The following SMYD3 variants were observed in gnomAD, a reference collection of about 807,000 sequenced individuals.
The protein encoded by SMYD3 is SET and MYND domain containing 3.
SMYD3 carries 36 observed loss-of-function variants against 57.7 expected under a neutral mutation model. That is an observed-to-expected ratio of 0.62 (90% CI 0.48 to 0.82). SMYD3 has a LOEUF of 0.82. Ranked by LOEUF, SMYD3 falls within the 40% of genes least tolerant of loss-of-function variation. The probability of loss-of-function intolerance (pLI) is 0.00; values close to 1 mark genes in which losing one functional copy is unlikely to be tolerated. For missense variants in SMYD3, 515 were observed against 538.8 expected (o/e 0.96, Z 0.44); for synonymous variants, 211 against 195.0 (o/e 1.08, Z -0.68).
At chr1:245,943,608 G>C (rs1385711595) in intron 5 of SMYD3, among the ~76,000 whole-genome samples, 1 of 152,140 alleles carries the variant, frequency 6.6e-6, no homozygotes, top group Non-Finnish European at 1.5e-5. Flanking sequence ...TTGAAAAAGA[G>C]GGACTCCTCG....
At chr1:246,427,147 T>A (rs1475660407) in intron 1 of SMYD3, among the ~76,000 whole-genome samples, 3 of 152,188 alleles carry the variant, frequency 2.0e-5, no homozygotes, top group Non-Finnish European at 4.4e-5. Flanking sequence ...AATGTCATAT[T>A]GGAACACACT....
chr1:245,794,481 A>C (rs960060825), intron 10 of SMYD3, among the ~76,000 whole-genome samples: 1 of 152,216 alleles, frequency 6.6e-6, no homozygotes, highest in East Asian at 1.9e-4. Flanking sequence ...CGATGTTCTG[A>C]AGATTCACTA....
At chr1:245,993,907 T>C (rs2058868269) in intron 5 of SMYD3, among the ~76,000 whole-genome samples, 1 of 152,254 alleles carries the variant, frequency 6.6e-6, no homozygotes, top group Admixed American at 6.5e-5. Flanking sequence ...TTATGTTATG[T>C]ATATCTTACC....
At chr1:245,918,852 G>A (rs2055646425) in intron 7 of SMYD3, among the ~76,000 whole-genome samples, 1 of 152,158 alleles carries the variant, frequency 6.6e-6, no homozygotes, top group South Asian at 2.1e-4. Context: ...ATCAGAGCAG[G>A]TAAATGGACA....
chr1:246,429,139 A>G, intron 1 of SMYD3, among the ~76,000 whole-genome samples: 1 of 151,304 alleles, frequency 6.6e-6, no homozygotes. Context: ...AACCCACCAC[A>G]GGTACAGTAA....
chr1:246,430,976 A>G (rs1392789844), intron 1 of SMYD3, among the ~76,000 whole-genome samples: 8 of 152,226 alleles, frequency 5.3e-5, no homozygotes, highest in Admixed American at 5.2e-4. Context: ...GCAAGATAGA[A>G]TAAGAACTGA....
At chr1:246,352,521 G>A (rs1050146898) in intron 2 of SMYD3, among the ~76,000 whole-genome samples, 2 of 152,130 alleles carry the variant, frequency 1.3e-5, no homozygotes, top group Non-Finnish European at 2.9e-5. Context: ...CAGTTTAAAC[G>A]CATATGTTCT....
intron 5 of SMYD3, among the ~76,000 whole-genome samples, chr1:246,177,352 AACAACT>A (rs1265540031): frequency 4.6e-5 from 7 of 152,208 alleles, no homozygotes; most frequent in Non-Finnish European, 2.9e-5. Context: ...AAAAACCTTT[AACAACT>A]CATTATTATT....
intron 10 of SMYD3, among the ~76,000 whole-genome samples, chr1:245,774,783 C>T (rs1467957440): frequency 2.0e-5 from 3 of 151,886 alleles, no homozygotes; most frequent in Non-Finnish European, 4.4e-5. Context: ...GCCATCTCGG[C>T]TCACTGCAAC....
intron 5 of SMYD3, among the ~76,000 whole-genome samples, chr1:246,288,950 C>A (rs2064630657): frequency 6.6e-6 from 1 of 152,050 alleles, no homozygotes; most frequent in South Asian, 2.1e-4. Context: ...CCTGTCTCTA[C>A]TAAAAATACA....
At chr1:245,900,350 G>A (rs2054103579) in intron 8 of SMYD3, among the ~76,000 whole-genome samples, 1 of 152,170 alleles carries the variant, frequency 6.6e-6, no homozygotes, top group South Asian at 2.1e-4. Context: ...TCATTTTTGA[G>A]CAATAAAGTG....
intron 7 of SMYD3, among the ~76,000 whole-genome samples, chr1:245,921,736 G>C (rs1484593497): frequency 1.3e-5 from 2 of 151,998 alleles, no homozygotes; most frequent in African/African-American, 2.4e-5. Context: ...CAAATATTTA[G>C]AGAATCTATC....
intron 8 of SMYD3, among the ~76,000 whole-genome samples, chr1:245,888,583 C>A (rs1174176054): frequency 6.6e-6 from 1 of 152,192 alleles, no homozygotes; most frequent in Non-Finnish European, 1.5e-5. Flanking sequence ...AGTCATTTCT[C>A]CTCTCTGCAA....
At chr1:245,984,169 T>G (rs2058657007) in intron 5 of SMYD3, among the ~76,000 whole-genome samples, 1 of 151,868 alleles carries the variant, frequency 6.6e-6, no homozygotes, top group African/African-American at 2.4e-5. Context: ...CCGGGTAATT[T>G]TTGCATTTTT....
chr1:246,298,874 T>C (rs1252581689), intron 5 of SMYD3, among the ~76,000 whole-genome samples: 1 of 152,030 alleles, frequency 6.6e-6, no homozygotes, highest in Admixed American at 6.6e-5. Context: ...CAGAATCAAA[T>C]AACTAAAAAA....
intron 1 of SMYD3, chr1:246,417,471 ATG>A (rs1223804596): frequency 6.6e-6 from 1 of 152,152 alleles, no homozygotes; most frequent in East Asian, 1.9e-4. Flanking sequence ...GGGCCAGGGA[ATG>A]TATGCTACTG....
intron 5 of SMYD3, among the ~76,000 whole-genome samples, chr1:246,008,009 C>G (rs2148181166): frequency 6.6e-6 from 1 of 152,342 alleles, no homozygotes; most frequent in Admixed American, 6.5e-5. Context: ...GTGTTTAAGT[C>G]ATAGTCCCTA....
intron 1 of SMYD3, among the ~76,000 whole-genome samples, chr1:246,456,810 G>T (rs1382545636): frequency 6.6e-6 from 1 of 152,148 alleles, no homozygotes; most frequent in Non-Finnish European, 1.5e-5. Flanking sequence ...TGGAGACATG[G>T]CTAAGGTATC....
chr1:246,455,896 A>G (rs2067694307), intron 1 of SMYD3, among the ~76,000 whole-genome samples: 1 of 152,242 alleles, frequency 6.6e-6, no homozygotes, highest in Non-Finnish European at 1.5e-5. Context: ...TAAAAGAATT[A>G]ATGTTTATCG....
Sources: gnomAD v4.1 joint callset for allele counts (sites outside exome capture counted in the v4.1 genomes callset) on GRCh38, gnomAD v4.1.1 for gene constraint, MANE v1.5 for transcripts, NCBI Gene and HGNC (gene_info 2026-07-23, HGNC 2026-07-21) for gene names.